The following DLG2 variants were observed in gnomAD, a reference collection of about 807,000 sequenced individuals.
DLG2 encodes disks large homolog 2.
In DLG2, 45 loss-of-function variants were observed where a neutral mutation model predicts 132.5. The ratio of observed to expected loss-of-function variants is 0.34; its 90% CI spans 0.27 to 0.44. DLG2 has a LOEUF of 0.44. Among genes scored for constraint, DLG2 ranks in the 20% least tolerant of loss-of-function variants. The pLI is 1.00. For synonymous variants in DLG2, 424 were observed against 419.6 expected (o/e 1.01, Z -0.13); for missense variants, 1,045 against 1,196.9 (o/e 0.87, Z 1.87).
intron 11 of DLG2, among the ~76,000 whole-genome samples, chr11:84,042,441 T>C (rs1407788403): frequency 6.6e-6 from 1 of 151,898 alleles, no homozygotes; most frequent in Non-Finnish European, 1.5e-5. Flanking sequence ...TCAGATTTTC[T>C]TGCATAAAAT....
Position 85,312,255 on chromosome 11 carries a change from C to T in DLG2, c.41-26890G>A, listed in dbSNP as rs148941030. On this transcript the variant is annotated intron_variant, in intron 3 of 27. Transcript: ENST00000376104. The stretch of plus-strand genomic sequence containing the variant: ...ATTTATGAACCAATAATGGATAATA[C>T]CTTATTTTGTTATAATACCATCCAT... Among the ~76,000 whole-genome samples the T allele has an allele frequency of 5.3e-5, 8 of 151,698 alleles. No individual in the cohort carries two copies. In the East Asian group the frequency reaches 1.4e-3, roughly 26 times the overall value.
intron 3 of DLG2, among the ~76,000 whole-genome samples, chr11:85,553,477 C>G (rs1289390173): frequency 1.3e-5 from 2 of 151,038 alleles, no homozygotes; most frequent in Non-Finnish European, 3.0e-5. Context: ...ACACCATGCC[C>G]GGCTAATCTG....
intron 6 of DLG2, among the ~76,000 whole-genome samples, chr11:84,710,667 GATA>G (rs1028682267): frequency 1.1e-4 from 17 of 151,714 alleles, no homozygotes; most frequent in African/African-American, 4.1e-4. Context: ...GCATTTTAGA[GATA>G]ATGACTGTTT....
chr11:85,529,635 A>G (rs2075047462), intron 3 of DLG2, among the ~76,000 whole-genome samples: 1 of 152,112 alleles, frequency 6.6e-6, no homozygotes, highest in South Asian at 2.1e-4. Context: ...TACAATTTTA[A>G]TGACTCTGAT....
At chr11:83,566,815 A>G (rs2096717574) in intron 19 of DLG2, among the ~76,000 whole-genome samples, 1 of 151,798 alleles carries the variant, frequency 6.6e-6, no homozygotes. Context: ...GCCTCACAGT[A>G]GCAGAACATC....
intron 17 of DLG2, among the ~76,000 whole-genome samples, chr11:83,809,853 T>C (rs968871574): frequency 2.0e-5 from 3 of 152,134 alleles, no homozygotes; most frequent in African/African-American, 7.2e-5. Flanking sequence ...AAACCATGAA[T>C]ATTATATTAG....
intron 6 of DLG2, among the ~76,000 whole-genome samples, chr11:85,045,345 T>C (rs889195208): frequency 6.6e-6 from 1 of 152,040 alleles, no homozygotes; most frequent in Admixed American, 6.6e-5. Flanking sequence ...TGCCACTCAG[T>C]TGTTTTATTC....
At chr11:84,605,365 C>T (rs1388980873) in intron 6 of DLG2, among the ~76,000 whole-genome samples, 1 of 151,754 alleles carries the variant, frequency 6.6e-6, no homozygotes, top group African/African-American at 2.4e-5. Context: ...GAAGTCTATA[C>T]CAAGTTATAG....
intron 8 of DLG2, among the ~76,000 whole-genome samples, chr11:84,193,879 T>A (rs536864809): frequency 6.6e-6 from 1 of 152,284 alleles, no homozygotes; most frequent in African/African-American, 2.4e-5. Flanking sequence ...GGGCAAGGGG[T>A]GTTGTTGTTT....
intron 7 of DLG2, among the ~76,000 whole-genome samples, chr11:84,320,034 C>T (rs909783985): frequency 3.3e-5 from 5 of 152,154 alleles, no homozygotes; most frequent in African/African-American, 1.2e-4. Context: ...TAATGGTAAT[C>T]CAATTTGATC....
chr11:84,690,036 A>G (rs115241989), intron 6 of DLG2, among the ~76,000 whole-genome samples: 1 of 151,996 alleles, frequency 6.6e-6, no homozygotes, highest in Non-Finnish European at 1.5e-5. Context: ...GTATGATCTC[A>G]CTTATATGTG....
chr11:84,343,721 G>A (rs979801970), intron 7 of DLG2, among the ~76,000 whole-genome samples: 4 of 152,090 alleles, frequency 2.6e-5, no homozygotes, highest in African/African-American at 7.2e-5. Context: ...ATACTTTAAA[G>A]CATGGTAAAA....
intron 11 of DLG2, among the ~76,000 whole-genome samples, chr11:84,042,534 T>A (rs2096117444): frequency 6.6e-6 from 1 of 151,916 alleles, no homozygotes; most frequent in Non-Finnish European, 1.5e-5. Flanking sequence ...CAATGGCACA[T>A]TATGGTATTC....
intron 18 of DLG2, among the ~76,000 whole-genome samples, chr11:83,765,429 T>C (rs751644574): frequency 3.3e-5 from 5 of 152,266 alleles, no homozygotes; most frequent in Non-Finnish European, 5.9e-5. Context: ...AATTCCATAC[T>C]ATAAATACAT....
chr11:83,628,945 A>G (rs1235664070), intron 19 of DLG2, among the ~76,000 whole-genome samples: 1 of 152,180 alleles, frequency 6.6e-6, no homozygotes, highest in Non-Finnish European at 1.5e-5. Context: ...AAAAAGTGTT[A>G]TTACTATTTA....
chr11:84,528,567 A>G (rs1010422029), intron 7 of DLG2, among the ~76,000 whole-genome samples: 1 of 152,236 alleles, frequency 6.6e-6, no homozygotes, highest in Non-Finnish European at 1.5e-5. Flanking sequence ...TAGGCATGCC[A>G]TATGTAAATT....
Position 85,177,105 on chromosome 11 carries a change from G to A in DLG2, c.187-22454C>T, listed in dbSNP as rs190313845. On this transcript the variant is annotated intron_variant, in intron 4 of 27. Coordinates refer to ENST00000376104, the MANE Select transcript of DLG2 (RefSeq NM_001142699.3). The stretch of plus-strand genomic sequence containing the variant: ...TTTGACCCAGCAATCCCATTACTGA[G>A]TATATACCCAAAGGAATATAAATCA... Among the ~76,000 whole-genome samples, 7 of 152,100 alleles carry A rather than the reference G, an allele frequency of 4.6e-5. No individual in the cohort carries two copies. The East Asian group carries it at 1.4e-3, about 29-fold the overall frequency.
Position 84,628,317 on chromosome 11 carries a change from A to G in DLG2, c.358-93586T>C, listed in dbSNP as rs540476609. Among the ~76,000 whole-genome samples the G allele has an allele frequency of 1.6e-4, 24 of 152,232 alleles. No individual in the cohort carries two copies. In the South Asian group the frequency reaches 2.1e-3, roughly 13 times the overall value. ...CTATTCTCTGGTTAGTCCAAGCTCT[A>G]CATTTGTTGAGCACCTACTATATGT... On this transcript the variant is annotated intron_variant, in intron 6 of 27. Transcript: ENST00000376104.
At chr11:83,902,856 T>C (rs2073839047) in intron 15 of DLG2, among the ~76,000 whole-genome samples, 2 of 152,278 alleles carry the variant, frequency 1.3e-5, no homozygotes, top group Non-Finnish European at 2.9e-5. Flanking sequence ...TCTAAATGGA[T>C]AGTGGGCAAG....
Sources: gnomAD v4.1 joint callset for allele counts (sites outside exome capture counted in the v4.1 genomes callset) on GRCh38, gnomAD v4.1.1 for gene constraint, MANE v1.5 for transcripts, NCBI Gene and HGNC (gene_info 2026-07-23, HGNC 2026-07-21) for gene names.